INSYN2A: variants seen among roughly 807,000 people sequenced by gnomAD.
The protein encoded by INSYN2A is inhibitory synaptic factor 2A, also known as family with sequence similarity 196 member A.
INSYN2A carries 17 observed loss-of-function variants against 39.4 expected under a neutral mutation model. The ratio of observed to expected loss-of-function variants is 0.43; its 90% CI spans 0.30 to 0.65. The LOEUF is 0.65. Among genes scored for constraint, INSYN2A ranks in the 30% least tolerant of loss-of-function variants. The pLI, the probability that INSYN2A is intolerant of heterozygous loss-of-function variation, is 0.14. For synonymous variants in INSYN2A, 255 were observed against 265.7 expected, an observed-to-expected ratio of 0.96 and a Z score of 0.39; for missense variants, 595 against 631.2, an observed-to-expected ratio of 0.94 and a Z score of 0.61.
chr10:127,152,897 G>T (rs1309441947), intron 5 of INSYN2A, among the ~76,000 whole-genome samples: 1 of 152,180 alleles, frequency 6.6e-6, no homozygotes, highest in East Asian at 1.9e-4. Context: ...GGGATGCTCT[G>T]TCTGGATCGG....
At chr10:127,139,732 C>T (rs2051041854) in intron 5 of INSYN2A, among the ~76,000 whole-genome samples, 4 of 152,114 alleles carry the variant, frequency 2.6e-5, no homozygotes, top group Admixed American at 2.6e-4. Flanking sequence ...CCTTAAACTT[C>T]AATTCTTTCA....
chr10:127,181,817 T>C (rs2055763395), intron 2 of INSYN2A, among the ~76,000 whole-genome samples: 1 of 152,222 alleles, frequency 6.6e-6, no homozygotes, highest in African/African-American at 2.4e-5. Flanking sequence ...AATAGTTAAC[T>C]TAGAGACCTG....
chr10:127,162,495 A>G (rs2053671651), intron 4 of INSYN2A, among the ~76,000 whole-genome samples: 2 of 152,178 alleles, frequency 1.3e-5, no homozygotes, highest in African/African-American at 4.8e-5. Flanking sequence ...GCTAATTCAG[A>G]AGTTGAGTTG....
At chr10:127,174,355 C>CCAGAGTA (rs1297786018) in intron 4 of INSYN2A, among the ~76,000 whole-genome samples, 3 of 152,124 alleles carry the variant, frequency 2.0e-5, no homozygotes, top group Non-Finnish European at 4.4e-5. Flanking sequence ...ACCCCCAGAC[C>CCAGAGTA]CAGAGTAGAA....
rs1279534223 is a variant in INSYN2A at position 127,176,862 on chromosome 10, G to GT, written c.-6+14dup. On this transcript the variant is annotated intron_variant, in intron 3 of 5. Transcript: ENST00000522781. The surrounding 1 kb of genome is among the most constrained non-coding windows in gnomAD (Gnocchi z 4.4). ...ATTGCTGGAATCTGGGAGAGCTGCT[G>GT]TTTTAAAGACTTACTGGAGCTGCCA... The GT allele has an allele frequency of 6.4e-6, 1 of 155,438 alleles. No homozygotes were observed. Among genetic ancestry groups the GT allele is most frequent in the Non-Finnish European group, 1.4e-5 (1 of 70,246 alleles). The allele number at this position is 155,438 out of a possible 1,614,324, so 9.6% of individuals were successfully genotyped here.
At chr10:127,164,019 A>G (rs766212644) in intron 4 of INSYN2A, among the ~76,000 whole-genome samples, 16 of 151,922 alleles carry the variant, frequency 1.1e-4, no homozygotes, top group Admixed American at 9.8e-4. Flanking sequence ...AAAGGGTAAC[A>G]ATGCTGGTGG....
chr10:127,173,058 G>A (rs1328842638), intron 4 of INSYN2A, among the ~76,000 whole-genome samples: 7 of 152,048 alleles, frequency 4.6e-5, no homozygotes, highest in African/African-American at 1.7e-4. Flanking sequence ...CTGTGTGCCG[G>A]GCATATAGGG....
intron 2 of INSYN2A, 58 bp from the exon 3 acceptor site, chr10:127,177,197 C>T (rs2055244062): frequency 6.6e-6 from 1 of 151,536 alleles, no homozygotes; most frequent in Non-Finnish European, 1.5e-5. Flanking sequence ...GTGTTGTGAT[C>T]ACAACCTCCG....
chr10:127,163,163 G>A (rs902129715), intron 4 of INSYN2A, among the ~76,000 whole-genome samples: 4 of 152,166 alleles, frequency 2.6e-5, no homozygotes, highest in Admixed American at 2.6e-4. Context: ...ATGGGACTGG[G>A]CATTTTGCTG....
At chr10:127,191,663 A>G (rs964898603) in intron 2 of INSYN2A, among the ~76,000 whole-genome samples, 2 of 152,228 alleles carry the variant, frequency 1.3e-5, no homozygotes, top group Admixed American at 1.3e-4. Context: ...TCACATCACC[A>G]GTGGAATGAC....
intron 5 of INSYN2A, among the ~76,000 whole-genome samples, chr10:127,140,900 T>C (rs2051176103): frequency 6.6e-6 from 1 of 152,182 alleles, no homozygotes; most frequent in Admixed American, 6.5e-5. Flanking sequence ...CCCTCTGTAT[T>C]TGAGACAGCG....
chr10:127,182,845 G>A (rs2055862469), intron 2 of INSYN2A, among the ~76,000 whole-genome samples: 1 of 151,996 alleles, frequency 6.6e-6, no homozygotes, highest in Non-Finnish European at 1.5e-5. Context: ...CAGCTCATGA[G>A]TACCTTTAGT....
chr10:127,137,914 T>C lies in INSYN2A; in HGVS notation c.1363A>G (p.Thr455Ala). 1 of 1,614,102 alleles carries C rather than the reference T, an allele frequency of 6.2e-7. No individual in the cohort carries two copies. The highest frequency in any genetic ancestry group is 8.5e-7 in the Non-Finnish European group (1 of 1,179,972). Reference protein sequence around the residue: ...QVIPSPYSQETYSSTPKQKSK... With the variant: ...QVIPSPYSQEAYSSTPKQKSK... Reference sequence around the variant, plus strand: ...TTTTGCTTGGGAGTTGAGGAGTAAGTCTCCTGAGAGTAAGGCGAAGGTATG... The same window carrying C: ...TTTTGCTTGGGAGTTGAGGAGTAAGCCTCCTGAGAGTAAGGCGAAGGTATG... The change falls in exon 6 of 6, where the codon ACT (threonine) becomes GCT (alanine). Residue 455 changes from threonine to alanine, a missense_variant. Transcript: ENST00000522781.
chr10:127,184,730 C>G lies in INSYN2A; in HGVS notation c.-268-7591G>C, dbSNP rs1422064688. Among the ~76,000 whole-genome samples, 3 of 152,220 alleles carry G rather than the reference C, an allele frequency of 2.0e-5. No homozygotes were observed. The East Asian group carries it at 5.8e-4, about 29-fold the overall frequency. ...GTCTCCTGAACACACCATGGTCAGT[C>G]TCTACTTTGTGTCTTCACTTCCACT... On this transcript the variant is annotated intron_variant, in intron 2 of 5. Coordinates refer to ENST00000522781, the MANE Select transcript of INSYN2A (RefSeq NM_001039762.3).
At position 127,137,899 on chromosome 10, in the gene INSYN2A, G is replaced by T. The variant is rs374044414; in HGVS notation, c.1378C>A (p.Pro460Thr). 1.1e-5 allele frequency: 18 copies of T among 1,614,030 alleles called. No homozygotes were observed. The African/African-American group carries it at 2.3e-4, about 20-fold the overall frequency. ...GATTCAGTTTTGGATTTTTGCTTGGGAGTTGAGGAGTAAGTCTCCTGAGAG... is the reference window on the plus strand; with the variant it reads ...GATTCAGTTTTGGATTTTTGCTTGGTAGTTGAGGAGTAAGTCTCCTGAGAG... ...PYSQETYSST[P>T]KQKSKTESKK... is the part of the protein sequence containing the mutation. The change falls in exon 6 of 6, where the codon CCC (proline) becomes ACC (threonine). Residue 460 changes from proline (P) to threonine (T), a missense_variant. Physicochemically the swap from Pro to Thr is conservative, Grantham distance 38. This residue lies in a region of INSYN2A where 117 missense variants were observed against 163.8 expected (regional missense o/e 0.71). Coordinates refer to ENST00000522781, the MANE Select transcript of INSYN2A (RefSeq NM_001039762.3).
intron 4 of INSYN2A, among the ~76,000 whole-genome samples, chr10:127,160,820 A>C (rs1042376086): frequency 3.3e-5 from 5 of 152,068 alleles, no homozygotes; most frequent in African/African-American, 1.2e-4. Context: ...TTGTTCTTTC[A>C]GTTTTCTTAC....
intron 5 of INSYN2A, among the ~76,000 whole-genome samples, chr10:127,140,498 G>A (rs541856946): frequency 7.9e-5 from 12 of 152,330 alleles, no homozygotes; most frequent in African/African-American, 2.9e-4. Flanking sequence ...GGATCTGCGT[G>A]TGGGATGACG....
In INSYN2A at chr10:127,175,724, C is replaced by T. The variant is rs752251853; in HGVS notation, c.672G>A (p.Leu224=). ...RPPSEEPDYQ[L]LGRAKQDRGR... ...CCCGGTCCTGCTTGGCCCTCCCGAG[C>T]AGCTGGTAATCGGGCTCTTCGGATG... Residue 224 remains leucine (L), a synonymous_variant, in exon 4 of 6, where the codon CTG becomes CTA. Transcript: ENST00000522781. This position sits in a 1 kb window ranked among gnomAD's most constrained non-coding sequence, Gnocchi z 6.3. 3 of 1,613,948 alleles carry T rather than the reference C, an allele frequency of 1.9e-6. No individual in the cohort carries two copies. Among genetic ancestry groups the T allele is most frequent in the East Asian group, 2.2e-5 (1 of 44,872 alleles).
In INSYN2A at chr10:127,176,367, A is replaced by G. The variant is rs1228423101; in HGVS notation, c.29T>C (p.Ile10Thr). 1.2e-6 allele frequency: 2 copies of G among 1,611,956 alleles called. No homozygotes were observed. The highest frequency in any genetic ancestry group is 1.3e-5 in the African/African-American group (1 of 74,910). The change falls in exon 4 of 6, where the codon ATA becomes ACA. Residue 10 changes from isoleucine to threonine, a missense_variant. Around this residue, in one of 2 missense-constraint regions of INSYN2A, gnomAD observed 478 missense variants for 467.4 expected, o/e 1.02. Transcript: ENST00000522781. The surrounding 1 kb of genome is among the most constrained non-coding windows in gnomAD (Gnocchi z 4.4). ...CACTTCACTCTCCGACGTTGTGAGT[A>G]TGCATTTGCCGGTGTCCTTACTGAC... is the stretch of plus-strand genomic sequence containing the variant. MVSKDTGKCILTTSESEVEP... is the reference protein window; with the variant it reads MVSKDTGKCTLTTSESEVEP...
Sources: allele counts gnomAD v4.1 joint callset (sites outside exome capture counted in the v4.1 genomes callset), GRCh38; gene constraint gnomAD v4.1.1; regional missense constraint gnomAD v4.1.1; non-coding constraint Gnocchi (gnomAD v3.1); transcripts MANE v1.5; gene names NCBI Gene and HGNC (gene_info 2026-07-23, HGNC 2026-07-21).